The following STK36 variants were observed in gnomAD, a reference collection of about 807,000 sequenced individuals.
The protein encoded by STK36 is serine/threonine-protein kinase 36.
In STK36, 116 loss-of-function variants were observed where a neutral mutation model predicts 142.2. The ratio of observed to expected loss-of-function variants is 0.82; its 90% CI spans 0.70 to 0.95. The LOEUF is 0.95. STK36 is among the 40% of genes least tolerant of loss of function. STK36 has a pLI of 0.00. For missense variants in STK36, 1,422 were observed against 1,617.2 expected (o/e 0.88, Z 2.07); for synonymous variants, 619 against 641.7 (o/e 0.96, Z 0.53).
chr2:218,692,088 C>T, intron 14 of STK36, 55 bp from the exon 15 acceptor site: 1 of 1,566,360 alleles, frequency 6.4e-7, no homozygotes, highest in Non-Finnish European at 8.7e-7. Flanking sequence ...TTGTTTTTTA[C>T]ACTAAGCCCA....
At chr2:218,695,222 CTTTTTT>C (rs531122836) in intron 21 of STK36, among the ~76,000 whole-genome samples, 1,973 of 88,254 alleles carry the variant, frequency 0.022, 45 homozygotes, top group African/African-American at 0.089. Context: ...ATTGTCATCC[CTTTTTT>C]TTTTTTTTTT....
chr2:218,690,064 T>C, intron 13 of STK36, 108 bp downstream of exon 13: 1 of 1,105,798 alleles, frequency 9.0e-7, no homozygotes, highest in Non-Finnish European at 1.3e-6. Context: ...TGTGATTTGT[T>C]ACAGGTTTAG....
At chr2:218,673,330 T>G in intron 2 of STK36, 2 of 424,846 alleles carry the variant, frequency 4.7e-6, no homozygotes, top group Admixed American at 4.1e-5. Flanking sequence ...TCCTCTTCAT[T>G]TTTTTTTTCC....
rs538556100 is a variant in STK36, at chr2:218,697,859, A to C, written c.2915A>C (p.His972Pro). The C allele has an allele frequency of 1.2e-6, 2 of 1,614,064 alleles. No homozygotes were observed. Among genetic ancestry groups the C allele is most frequent in the Non-Finnish European group, 1.7e-6 (2 of 1,180,048 alleles). ...SFLNQLRQAP[H>P]GSEFLPVVVL... Reference sequence around the variant, plus strand: ...TTCGACATTCCTCTCCTTAGGCCTCATGGGTCTGAGTTTCTCCCTGTCGTG... The same window carrying C: ...TTCGACATTCCTCTCCTTAGGCCTCCTGGGTCTGAGTTTCTCCCTGTCGTG... Residue 972 changes from histidine (H) to proline (P), a missense_variant, in exon 25 of 27, where the codon CAT (histidine) becomes CCT (proline). His to Pro is a moderately conservative substitution (Grantham distance 77). Around this residue, in one of 2 missense-constraint regions of STK36, gnomAD observed 962 missense variants for 1,167.5 expected, o/e 0.82. Coordinates refer to ENST00000295709, the MANE Select transcript of STK36 (RefSeq NM_015690.5).
In STK36 at chr2:218,684,881, G is replaced by C. The variant is rs116031139; in HGVS notation, c.1237-204G>C. ...GGTATCTCTTTATGCACACATGCCGGTGTTCTCCAAGAGACTCTTCCAGAC... is the reference window on the plus strand; with the variant it reads ...GGTATCTCTTTATGCACACATGCCGCTGTTCTCCAAGAGACTCTTCCAGAC... On this transcript the variant is annotated intron_variant, in intron 10 of 26. Coordinates refer to ENST00000295709, the MANE Select transcript of STK36 (RefSeq NM_015690.5). The C allele has an allele frequency of 9.5e-3, 4,885 of 515,720 alleles. 31 individuals are homozygous for C. Among genetic ancestry groups the C allele is most frequent in the Non-Finnish European group, 0.013 (3,908 of 293,974 alleles). The allele number at this position is 515,720 out of a possible 1,614,324, so 31.9% of individuals were successfully genotyped here. A position where few individuals can be genotyped will look rare whatever the true frequency, so the allele number is the denominator to read the frequency against.
intron 21 of STK36, among the ~76,000 whole-genome samples, chr2:218,695,527 CTTTTTTTTTT>C (rs964956273): frequency 8.2e-5 from 6 of 73,052 alleles, no homozygotes; most frequent in Admixed American, 1.8e-4. Flanking sequence ...CATGTCCAGT[CTTTTTTTTTT>C]TTTTTTTTTT....
chr2:218,694,328 G>C lies in STK36; in HGVS notation c.2400+1G>C. Reference sequence around the variant, plus strand: ...CCATTCGCATGTCGTCTCTCTTGTGGTAAGTTTTTAACCTTCACCCTCCTC... The same window carrying C: ...CCATTCGCATGTCGTCTCTCTTGTGCTAAGTTTTTAACCTTCACCCTCCTC... On this transcript the variant is annotated splice_donor_variant, in intron 20 of 26. Coordinates refer to ENST00000295709, the MANE Select transcript of STK36 (RefSeq NM_015690.5). LOFTEE classifies it high-confidence loss of function. This position sits in a 1 kb window ranked among gnomAD's most constrained non-coding sequence, Gnocchi z 4.4. 6.2e-7 allele frequency: 1 copy of C among 1,613,864 alleles called. No individual in the cohort carries two copies. The highest frequency in any genetic ancestry group is 1.1e-5 in the South Asian group (1 of 91,068).
At chr2:218,679,147 G>A (rs1258288412) in intron 6 of STK36, 21 bp from the exon 7 acceptor site, 1 of 1,610,756 alleles carries the variant, frequency 6.2e-7, no homozygotes, top group South Asian at 1.1e-5. Flanking sequence ...ATGACTGATG[G>A]AATATTTTTT....
Position 218,688,725 on chromosome 2 carries a change from C to T in STK36, c.1409C>T (p.Ser470Phe). 1.2e-6 allele frequency: 2 copies of T among 1,613,896 alleles called. No homozygotes were observed. Among genetic ancestry groups the T allele is most frequent in the Non-Finnish European group, 1.7e-6 (2 of 1,179,888 alleles). The change falls in exon 12 of 27, where the codon TCC becomes TTC. Residue 470 changes from serine (S) to phenylalanine (F), a missense_variant. Ser to Phe is a radical substitution (Grantham distance 155, BLOSUM62 -2). This residue lies in a region of STK36 where 962 missense variants were observed against 1,167.5 expected (regional missense o/e 0.82). Transcript: ENST00000295709. Reference sequence around the variant, plus strand: ...CTGAAAGGCATCTTGGAGGGTGCTTCCCACATCCTGCCTGCATTCCGGGTC... The same window carrying T: ...CTGAAAGGCATCTTGGAGGGTGCTTTCCACATCCTGCCTGCATTCCGGGTC... Reference protein sequence around the residue: ...QILKGILEGASHILPAFRVLS... With the variant: ...QILKGILEGAFHILPAFRVLS...
chr2:218,684,142 A>C (rs1575129424), intron 10 of STK36, among the ~76,000 whole-genome samples: 3 of 107,386 alleles, frequency 2.8e-5, no homozygotes, highest in African/African-American at 7.6e-5. Flanking sequence ...ACAGAGTTTC[A>C]CTCTTGTTGC....
In STK36 at chr2:218,680,584, C is replaced by A. The variant is rs557514446; in HGVS notation, c.1137-19C>A. ...TCATAGGTTTGGAACCCGTTCTACCCCTTGGCTTCCTCCGGCAGGGAAAAC... is the reference window on the plus strand; with the variant it reads ...TCATAGGTTTGGAACCCGTTCTACCACTTGGCTTCCTCCGGCAGGGAAAAC... On this transcript the variant is annotated intron_variant, in intron 9 of 26. Coordinates refer to ENST00000295709, the MANE Select transcript of STK36 (RefSeq NM_015690.5). The A allele has an allele frequency of 5.6e-6, 9 of 1,603,934 alleles. No homozygotes were observed. In the African/African-American group the frequency reaches 1.1e-4, roughly 19 times the overall value.
intron 10 of STK36, among the ~76,000 whole-genome samples, chr2:218,683,213 A>G (rs554027360): frequency 1.1e-4 from 17 of 151,930 alleles, no homozygotes; most frequent in African/African-American, 4.1e-4. Flanking sequence ...GGGGTAAGCA[A>G]TTCTTTCATC....
At chr2:218,698,374 C>G (rs1440399779) in intron 25 of STK36, among the ~76,000 whole-genome samples, 1 of 152,122 alleles carries the variant, frequency 6.6e-6, no homozygotes, top group East Asian at 1.9e-4. Context: ...CACAGTGGGT[C>G]TTTGAAGGCA....
At chr2:218,684,443 CAG>C (rs1940688081) in intron 10 of STK36, among the ~76,000 whole-genome samples, 1 of 37,974 alleles carries the variant, frequency 2.6e-5, no homozygotes, top group African/African-American at 6.6e-5. Context: ...TTTTTTGAGA[CAG>C]AGTCTCACTC....
At position 218,699,046 on chromosome 2, in the gene STK36, G is replaced by A; in HGVS notation, c.3502G>A (p.Val1168Met). 6.2e-7 allele frequency: 1 copy of A among 1,614,174 alleles called. No individual in the cohort carries two copies. Among genetic ancestry groups the A allele is most frequent in the Non-Finnish European group, 8.5e-7 (1 of 1,180,038 alleles). The change falls in exon 26 of 27, where the codon GTG becomes ATG. Residue 1168 changes from valine (V) to methionine (M), a missense_variant. By Grantham distance (21) the Val-to-Met change is conservative. This residue lies in a region of STK36 where 962 missense variants were observed against 1,167.5 expected (regional missense o/e 0.82). Transcript: ENST00000295709. ...TGGGCTTGGAGACAAGGATCCTGTTGTGCGGTGCAGTGCCAGCTTTGCTGT... is the reference window on the plus strand; with the variant it reads ...TGGGCTTGGAGACAAGGATCCTGTTATGCGGTGCAGTGCCAGCTTTGCTGT... ...LLGLGDKDPV[V>M]RCSASFAVGN...
chr2:218,696,772 G>T, intron 22 of STK36, 171 bp downstream of exon 22: 1 of 922,736 alleles, frequency 1.1e-6, no homozygotes, highest in Non-Finnish European at 1.8e-6. Context: ...ACCCTTTGAA[G>T]GAAACCATTC....
rs1257211736 is a variant in STK36, at chr2:218,679,247, C to T, written c.764C>T (p.Ala255Val). 4 of 1,614,052 alleles carry T rather than the reference C, an allele frequency of 2.5e-6. No homozygotes were observed. Among genetic ancestry groups the T allele is most frequent in the African/African-American group, 1.3e-5 (1 of 74,924 alleles). The change falls in exon 7 of 27, where the codon GCT (alanine) becomes GTT (valine). Residue 255 changes from alanine to valine, a missense_variant. Around this residue, in one of 2 missense-constraint regions of STK36, gnomAD observed 460 missense variants for 449.6 expected, o/e 1.02. Transcript: ENST00000295709. The stretch of plus-strand genomic sequence containing the variant: ...GACCTCTTATATCACCCCTTTATTG[C>T]TGGTCATGTCACCAGTGAGTCATCA... ...WPDLLYHPFI[A>V]GHVTIITEPA...
chr2:218,693,592 G>A (rs1484152330), intron 17 of STK36, 131 bp from the exon 18 acceptor site: 2 of 899,032 alleles, frequency 2.2e-6, no homozygotes, highest in Non-Finnish European at 3.4e-6. Flanking sequence ...GAGGCAGAAG[G>A]GGGTTCTCTC....
chr2:218,692,599 C>G lies in STK36; in HGVS notation c.1932C>G (p.Ser644Arg). ...VHTPQGAPQV[S>R]QPLREQSEDI... is the part of the protein sequence containing the mutation. The stretch of plus-strand genomic sequence containing the variant: ...TCTCCACAGGAGCCCCGCAAGTGAG[C>G]CAGCCACTGCGAGAGCAGAGTGAGG... The change falls in exon 16 of 27, where the codon AGC (serine) becomes AGG (arginine). Residue 644 changes from serine to arginine, a missense_variant. Physicochemically the swap from Ser to Arg is moderately radical, Grantham distance 110. Transcript: ENST00000295709. 2 of 1,612,650 alleles carry G rather than the reference C, an allele frequency of 1.2e-6. No individual in the cohort carries two copies. The highest frequency in any genetic ancestry group is 8.5e-7 in the Non-Finnish European group (1 of 1,179,770).
Sources: allele counts gnomAD v4.1 joint callset (sites outside exome capture counted in the v4.1 genomes callset), GRCh38; gene constraint gnomAD v4.1.1; regional missense constraint gnomAD v4.1.1; non-coding constraint Gnocchi (gnomAD v3.1); transcripts MANE v1.5; gene names NCBI Gene and HGNC (gene_info 2026-07-23, HGNC 2026-07-21).